The following FUT8 variants were observed in gnomAD, a reference collection of about 807,000 sequenced individuals.
FUT8 encodes the protein fucosyltransferase 8.
Under a neutral mutation model 71.3 loss-of-function variants are expected in FUT8, and 29 were observed. That is an observed-to-expected ratio of 0.41 (90% CI 0.30 to 0.55). The LOEUF is 0.55. Ranked by LOEUF, FUT8 falls within the 20% of genes least tolerant of loss-of-function variation. The pLI, the probability that FUT8 is intolerant of heterozygous loss-of-function variation, is 0.34. For synonymous variants in FUT8, 254 were observed against 239.3 expected, an observed-to-expected ratio of 1.06 and a Z score of -0.57; for missense variants, 544 against 702.1, an observed-to-expected ratio of 0.77 and a Z score of 2.55.
chr14:65,383,853 C>A, the FUT8 span, among the ~76,000 whole-genome samples: 1 of 152,152 alleles, frequency 6.6e-6, no homozygotes. Flanking sequence ...CAAAGACTAG[C>A]AAAGTGGGAA....
chr14:65,685,095 A>G (rs1049467517), intron 7 of FUT8, among the ~76,000 whole-genome samples: 3 of 152,188 alleles, frequency 2.0e-5, no homozygotes, highest in Admixed American at 1.3e-4. Context: ...CCTCCTCTCT[A>G]TATTTAGGCT....
At chr14:65,543,692 T>G (rs571212908) in intron 2 of FUT8, among the ~76,000 whole-genome samples, 1 of 152,290 alleles carries the variant, frequency 6.6e-6, no homozygotes, top group South Asian at 2.1e-4. Context: ...TGGGAATCTA[T>G]TCCATTTGTC....
chr14:65,597,931 G>T (rs1888081687), intron 3 of FUT8, among the ~76,000 whole-genome samples: 2 of 152,178 alleles, frequency 1.3e-5, no homozygotes. Context: ...CACTTTGGGA[G>T]GCTGAGGCGA....
chr14:65,511,488 A>T (rs371756244), intron 2 of FUT8, among the ~76,000 whole-genome samples: 1 of 152,084 alleles, frequency 6.6e-6, no homozygotes, highest in Non-Finnish European at 1.5e-5. Context: ...TGAAAGTGGG[A>T]TGTTGAAATC....
At chr14:65,357,457 C>T in the FUT8 span, among the ~76,000 whole-genome samples, 3 of 152,210 alleles carry the variant, frequency 2.0e-5, no homozygotes, top group Non-Finnish European at 4.4e-5. Flanking sequence ...CTAGAATACT[C>T]GAACAGAGGC....
At chr14:65,454,626 T>G (rs1182997530) in intron 1 of FUT8, among the ~76,000 whole-genome samples, 1 of 152,234 alleles carries the variant, frequency 6.6e-6, no homozygotes, top group Non-Finnish European at 1.5e-5. Flanking sequence ...GAAAAACTGC[T>G]TCTCACAATT....
Position 65,675,873 on chromosome 14 carries a change from T to C in FUT8, c.835+6393T>C, listed in dbSNP as rs569742866. On this transcript the variant is annotated intron_variant, in intron 7 of 10. Coordinates refer to ENST00000673929, the MANE Select transcript of FUT8 (RefSeq NM_001371533.1). ...TCAGCCTGGCGTGGTGATGGGCACC[T>C]GTAATCCCAGCTACTCAGGAGGCTG... Among the ~76,000 whole-genome samples, 9 of 150,902 alleles carry C rather than the reference T, an allele frequency of 6.0e-5. No homozygotes were observed. The South Asian group carries it at 8.4e-4, about 14-fold the overall frequency.
chr14:65,664,980 A>AG (rs397819421), intron 6 of FUT8, among the ~76,000 whole-genome samples: 1 of 151,942 alleles, frequency 6.6e-6, no homozygotes. Context: ...GGAAAAAAAA[A>AG]AGAAATTATC....
chr14:65,726,274 TTGA>T (rs1427449741), intron 9 of FUT8, among the ~76,000 whole-genome samples: 1 of 152,264 alleles, frequency 6.6e-6, no homozygotes, highest in Non-Finnish European at 1.5e-5. Flanking sequence ...CCTTGTTTTC[TTGA>T]TGAGCAAATT....
At chr14:65,499,772 T>G (rs886989906) in intron 2 of FUT8, among the ~76,000 whole-genome samples, 1 of 151,080 alleles carries the variant, frequency 6.6e-6, no homozygotes, top group African/African-American at 2.4e-5. Context: ...GATCTGTGAT[T>G]GTACCATTGC....
chr14:65,717,674 G>T (rs1895193901), intron 7 of FUT8, among the ~76,000 whole-genome samples: 1 of 148,820 alleles, frequency 6.7e-6, no homozygotes, highest in Admixed American at 6.7e-5. Flanking sequence ...TCCCAGACGG[G>T]GCGGCTGGGC....
chr14:65,652,586 G>A lies in FUT8; in HGVS notation c.598-16657G>A, dbSNP rs1891462612. Among the ~76,000 whole-genome samples, 1 of 151,950 alleles carries A rather than the reference G, an allele frequency of 6.6e-6. No homozygotes were observed. The highest frequency in any genetic ancestry group is 1.5e-5 in the Non-Finnish European group (1 of 68,014). On this transcript the variant is annotated intron_variant, in intron 6 of 10. Coordinates refer to ENST00000673929, the MANE Select transcript of FUT8 (RefSeq NM_001371533.1). This position sits in a 1 kb window ranked among gnomAD's most constrained non-coding sequence, Gnocchi z 4.0. The stretch of plus-strand genomic sequence containing the variant: ...GGCTGGAAACAGGAAAACATTCCTG[G>A]GACTGTCTTCTGATTTTCTTATTAG...
At position 65,575,305 on chromosome 14, in the gene FUT8, C is replaced by G. The variant is rs187696282; in HGVS notation, c.203+13539C>G. Among the ~76,000 whole-genome samples the G allele has an allele frequency of 3.6e-4, 55 of 151,666 alleles. 1 individual carries two copies. The highest frequency in any genetic ancestry group is 1.3e-4 in the Admixed American group (2 of 15,232). On this transcript the variant is annotated intron_variant, in intron 3 of 10. Coordinates refer to ENST00000673929, the MANE Select transcript of FUT8 (RefSeq NM_001371533.1). ...TTTAGAGTGATTACATATGGCAAGA[C>G]TTTAAATTATTGTACTCAGGGATTA...
chr14:65,414,893 G>A (rs2065196014), intron 1 of FUT8, among the ~76,000 whole-genome samples: 1 of 152,118 alleles, frequency 6.6e-6, no homozygotes, highest in Non-Finnish European at 1.5e-5. Flanking sequence ...TTTCCATAAA[G>A]TACGGCCTTA....
At chr14:65,446,120 G>A (rs1468501167) in intron 1 of FUT8, among the ~76,000 whole-genome samples, 1 of 152,158 alleles carries the variant, frequency 6.6e-6, no homozygotes, top group African/African-American at 2.4e-5. Flanking sequence ...TGTATATTTT[G>A]AATTTGATAC....
rs145188678 is a variant in FUT8, at chr14:65,730,317, C to T, written c.1260-2914C>T. Among the ~76,000 whole-genome samples, 12 of 152,246 alleles carry T rather than the reference C, an allele frequency of 7.9e-5. 1 individual carries two copies. Among genetic ancestry groups the T allele is most frequent in the African/African-American group, 2.9e-4 (12 of 41,546 alleles). On this transcript the variant is annotated intron_variant, in intron 9 of 10. Coordinates refer to ENST00000673929, the MANE Select transcript of FUT8 (RefSeq NM_001371533.1). ...AAAATTAGCTTTATACACATAGCTT[C>T]TGTGTGAAGATGATTGGTTAATGCT...
At chr14:65,602,337 C>G (rs1374387627) in intron 3 of FUT8, among the ~76,000 whole-genome samples, 1 of 45,068 alleles carries the variant, frequency 2.2e-5, no homozygotes, top group Admixed American at 3.0e-4. Flanking sequence ...AGTAGCGTTC[C>G]ATCTCTCACA....
intron 1 of FUT8, among the ~76,000 whole-genome samples, chr14:65,414,473 C>G (rs2139355068): frequency 6.6e-6 from 1 of 152,256 alleles, no homozygotes; most frequent in Admixed American, 6.5e-5. Flanking sequence ...TTTAAAATAA[C>G]TGTAAAAACA....
In FUT8 at chr14:65,719,058, A is replaced by G. The variant is rs570882284; in HGVS notation, c.836-2717A>G. Among the ~76,000 whole-genome samples, 9 of 152,120 alleles carry G rather than the reference A, an allele frequency of 5.9e-5. No individual in the cohort carries two copies. The South Asian group carries it at 1.2e-3, about 21-fold the overall frequency. ...CCCTTTGAATAAACGTTCTGTTCCT[A>G]TCTCTCTCTGCCTCCTTCTTAAGGC... On this transcript the variant is annotated intron_variant, in intron 7 of 10. Transcript: ENST00000673929.
Sources: allele counts gnomAD v4.1 joint callset (sites outside exome capture counted in the v4.1 genomes callset), GRCh38; gene constraint gnomAD v4.1.1; non-coding constraint Gnocchi (gnomAD v3.1); transcripts MANE v1.5; gene names NCBI Gene and HGNC (gene_info 2026-07-23, HGNC 2026-07-21).